The following RFX1 variants were observed in gnomAD, a reference collection of about 807,000 sequenced individuals.
The protein encoded by RFX1 is MHC class II regulatory factor RFX1.
RFX1 carries 42 observed loss-of-function variants against 119.6 expected under a neutral mutation model. The observed-to-expected ratio is 0.35, with a 90% confidence interval of 0.27 to 0.45. The LOEUF (loss-of-function observed/expected upper bound fraction) is 0.45, where lower values mean the gene tolerates loss of function less well. RFX1 is among the 20% of genes least tolerant of loss of function. The pLI, the probability that RFX1 is intolerant of heterozygous loss-of-function variation, is 1.00. For synonymous variants in RFX1, 628 were observed against 618.5 expected (o/e 1.02, Z -0.23); for missense variants, 1,118 against 1,368.1 (o/e 0.82, Z 2.88).
At chr19:13,996,719 T>C (rs1425968396) in intron 1 of RFX1, among the ~76,000 whole-genome samples, 7 of 125,102 alleles carry the variant, frequency 5.6e-5, no homozygotes, top group Non-Finnish European at 8.4e-5. Flanking sequence ...GCTCATTTGC[T>C]TTTTTTTTTT....
intron 5 of RFX1, among the ~76,000 whole-genome samples, chr19:13,981,374 T>C (rs1179225404): frequency 6.6e-6 from 1 of 152,176 alleles, no homozygotes; most frequent in African/African-American, 2.4e-5. Flanking sequence ...GGTGGGCAGA[T>C]CACCTGAGGT....
chr19:14,004,849 T>G (rs1399472113), intron 1 of RFX1, among the ~76,000 whole-genome samples: 5 of 151,774 alleles, frequency 3.3e-5, no homozygotes, highest in Non-Finnish European at 5.9e-5. Context: ...AAAAAAAAAA[T>G]TCCTCCCCGA....
At position 13,983,268 on chromosome 19, in the gene RFX1, C is replaced by T. The variant is rs1364778288; in HGVS notation, c.432G>A (p.Arg144=). 1 of 1,554,112 alleles carries T rather than the reference C, an allele frequency of 6.4e-7. No homozygotes were observed. Residue 144 remains arginine (R), a splice_region_variant and synonymous_variant, in exon 4 of 21, where the codon CGG becomes CGA. Transcript: ENST00000254325. The part of the protein sequence containing the change: ...VVQQVQGTQQ[R]LLVQTSVQAK... ...CCTGCACGCTCGTCTGGACCAGCAG[C>T]CGCTGTGGAGACAAGGCAGGAGGAG...
Position 13,962,414 on chromosome 19 carries a change from G to A in RFX1, c.*281C>T, listed in dbSNP as rs1973716771. 15 of 478,540 alleles carry A rather than the reference G, an allele frequency of 3.1e-5. No homozygotes were observed. The South Asian group carries it at 3.9e-4, about 12-fold the overall frequency. 29.6% of individuals were successfully genotyped at this position (478,540 alleles called of 1,614,324 possible). Reference sequence around the variant, plus strand: ...GGGGAGAAGACGCTGGGGCCTGGGAGGGGGGCGGCCAAGGGGCCGAGCTGG... The same window carrying A: ...GGGGAGAAGACGCTGGGGCCTGGGAAGGGGGCGGCCAAGGGGCCGAGCTGG... On this transcript the variant is annotated 3_prime_UTR_variant, in exon 21 of 21. Transcript: ENST00000254325.
At position 13,963,765 on chromosome 19, in the gene RFX1, G is replaced by C; in HGVS notation, c.2362-19C>G. Reference sequence around the variant, plus strand: ...CCTGCTCCTGGGGCACAGAGGGTGGGCGGGCGCCCGGGGCTCAGCCGCCGT... The same window carrying C: ...CCTGCTCCTGGGGCACAGAGGGTGGCCGGGCGCCCGGGGCTCAGCCGCCGT... On this transcript the variant is annotated intron_variant, in intron 17 of 20. Transcript: ENST00000254325. 1.3e-6 allele frequency: 2 copies of C among 1,535,282 alleles called. No homozygotes were observed. Among genetic ancestry groups the C allele is most frequent in the African/African-American group, 2.8e-5 (2 of 71,906 alleles).
In RFX1 at chr19:13,993,545, T is replaced by C. The variant is rs1568479918; in HGVS notation, c.299A>G (p.Tyr100Cys). Residue 100 changes from tyrosine to cysteine, a missense_variant, in exon 2 of 21, where the codon TAC (tyrosine) becomes TGC (cysteine). Physicochemically the swap from Tyr to Cys is radical, Grantham distance 194. Transcript: ENST00000254325. ...CTTACCAGAGACAGTGACCACGATG[T>C]ACTGCTGGGGTGCAGGCGAAGGGGT... ...APTPSPAPQQ[Y>C]IVVTVSEGAM... 6.2e-7 allele frequency: 1 copy of C among 1,612,688 alleles called. No individual in the cohort carries two copies. The highest frequency in any genetic ancestry group is 8.5e-7 in the Non-Finnish European group (1 of 1,179,506).
chr19:13,972,975 G>T lies in RFX1; in HGVS notation c.1082C>A (p.Ser361Tyr). 6.2e-7 allele frequency: 1 copy of T among 1,600,042 alleles called. No homozygotes were observed. The change falls in exon 9 of 21, where the codon TCC becomes TAC. Residue 361 changes from serine (S) to tyrosine (Y), a missense_variant. Physicochemically the swap from Ser to Tyr is moderately radical, Grantham distance 144 (BLOSUM62 -2). Around this residue, in one of 5 missense-constraint regions of RFX1, gnomAD observed 542 missense variants for 602.7 expected, o/e 0.90. Transcript: ENST00000254325. ...GGAGCTGGCGACGACCTGGCTGCCG[G>T]ACACGTACATGGGCATGGAGCCACT... ...ASSGSMPMYV[S>Y]GSQVVASSTS...
chr19:13,967,771 C>T lies in RFX1; in HGVS notation c.1732+794G>A, dbSNP rs555877747. Among the ~76,000 whole-genome samples, 117 of 152,264 alleles carry T rather than the reference C, an allele frequency of 7.7e-4. 1 individual carries two copies. The highest frequency in any genetic ancestry group is 2.7e-3 in the African/African-American group (114 of 41,564). On this transcript the variant is annotated intron_variant, in intron 12 of 20. Transcript: ENST00000254325. The stretch of plus-strand genomic sequence containing the variant: ...GGGATTACAGACATGAACCACTGCA[C>T]CAGGCCTTACTTTTAGAAACACTGG...
chr19:13,972,938 C>T lies in RFX1; in HGVS notation c.1119G>A (p.Gly373=), dbSNP rs749143303. The T allele has an allele frequency of 6.3e-7, 1 of 1,599,144 alleles. No individual in the cohort carries two copies. The highest frequency in any genetic ancestry group is 8.5e-7 in the Non-Finnish European group (1 of 1,179,284). ...CTCCGCTGCTGTTGCTGGCCCCAGC[C>T]CCAGTGCTGGTGGAGCTGGCGACGA... ...SQVVASSTST[G]AGASNSSGGG... Residue 373 remains glycine, a synonymous_variant, in exon 9 of 21, where the codon GGG becomes GGA. Coordinates refer to ENST00000254325, the MANE Select transcript of RFX1 (RefSeq NM_002918.5).
chr19:14,003,935 C>T (rs567213561), intron 1 of RFX1, among the ~76,000 whole-genome samples: 12 of 151,608 alleles, frequency 7.9e-5, no homozygotes, highest in African/African-American at 2.7e-4. Context: ...TGAGACAAGT[C>T]TCACTCTGTT....
intron 3 of RFX1, 54 bp downstream of exon 3, chr19:13,983,432 T>C: frequency 7.1e-7 from 1 of 1,410,878 alleles, no homozygotes. Context: ...GGACGCAGCC[T>C]GCACTGCCCC....
chr19:13,970,967 C>G (rs574517132), intron 9 of RFX1, among the ~76,000 whole-genome samples: 3 of 151,662 alleles, frequency 2.0e-5, no homozygotes, highest in Admixed American at 1.3e-4. Flanking sequence ...CACCACTGCA[C>G]TCCAACCTGT....
intron 7 of RFX1, among the ~76,000 whole-genome samples, chr19:13,978,558 C>T (rs888987348): frequency 1.3e-5 from 2 of 152,160 alleles, no homozygotes; most frequent in African/African-American, 4.8e-5. Flanking sequence ...CACCTCCATC[C>T]CCCACCCTTG....
At chr19:13,970,232 G>A (rs962419006) in intron 9 of RFX1, 57 bp from the exon 10 acceptor site, 5 of 1,471,900 alleles carry the variant, frequency 3.4e-6, no homozygotes, top group Non-Finnish European at 4.6e-6. Context: ...TCATCTCTGA[G>A]TGCTGGGGCT....
intron 8 of RFX1, among the ~76,000 whole-genome samples, chr19:13,977,287 C>T (rs1031410225): frequency 1.3e-5 from 2 of 149,948 alleles, no homozygotes; most frequent in African/African-American, 4.9e-5. Context: ...GAGCAAGACT[C>T]CATCTCAAAA....
Position 13,966,455 on chromosome 19 carries a change from G to A in RFX1, c.1927C>T (p.Leu643Phe), listed in dbSNP as rs144971619. 6.2e-7 allele frequency: 1 copy of A among 1,610,872 alleles called. No individual in the cohort carries two copies. The highest frequency in any genetic ancestry group is 8.5e-7 in the Non-Finnish European group (1 of 1,178,870). ...GGTGGCGCCTCACTGGGCTGGCTGA[G>A]GTTGTACCTCCAGAAGGTCTTCCAC... ...TLWKTFWRYN[L>F]SQPSEAPPLA... is the part of the protein sequence containing the mutation. The change falls in exon 14 of 21, where the codon CTC becomes TTC. Residue 643 changes from leucine to phenylalanine, a missense_variant. Transcript: ENST00000254325. This position sits in a 1 kb window ranked among gnomAD's most constrained non-coding sequence, Gnocchi z 6.3.
In RFX1 at chr19:13,968,777, C is replaced by T; in HGVS notation, c.1614G>A (p.Gln538=). The T allele has an allele frequency of 6.3e-7, 1 of 1,597,424 alleles. No homozygotes were observed. Among genetic ancestry groups the T allele is most frequent in the Non-Finnish European group, 8.5e-7 (1 of 1,172,280 alleles). ...TGGGTCCGGCCCTGCCTTCCTACCT[C>T]TGCTTCTGCGAGAAGGGCTGGCCCC... ...AMRGQPFSQK[Q]RLKPIQKMEG... The change falls in exon 11 of 21, where the codon CAG becomes CAA. Residue 538 remains glutamine, a splice_region_variant and synonymous_variant. Transcript: ENST00000254325. The surrounding 1 kb of genome is among the most constrained non-coding windows in gnomAD (Gnocchi z 5.5).
Position 13,969,748 on chromosome 19 carries a change from G to A in RFX1, c.1496+246C>T. ...GGGGGGTGTCGGGCAGGGGAGAGGG[G>A]GAGGCTGCAGTTTTAGTTGAGGCAG... is the stretch of plus-strand genomic sequence containing the variant. On this transcript the variant is annotated intron_variant, in intron 10 of 20. Coordinates refer to ENST00000254325, the MANE Select transcript of RFX1 (RefSeq NM_002918.5). This position sits in a 1 kb window ranked among gnomAD's most constrained non-coding sequence, Gnocchi z 4.5. 1 of 447,990 alleles carries A rather than the reference G, an allele frequency of 2.2e-6. No individual in the cohort carries two copies. Among genetic ancestry groups the A allele is most frequent in the Non-Finnish European group, 3.9e-6 (1 of 253,418 alleles). The allele number at this position is 447,990 out of a possible 1,614,324, so 27.8% of individuals were successfully genotyped here. A position where few individuals can be genotyped will look rare whatever the true frequency, so the allele number is the denominator to read the frequency against.
At chr19:13,994,907 T>C (rs1325158889) in intron 1 of RFX1, among the ~76,000 whole-genome samples, 2,360 of 82,034 alleles carry the variant, frequency 0.029, 75 homozygotes, top group African/African-American at 0.035. Flanking sequence ...TATATATATA[T>C]ATATATATAT....
Sources: gnomAD v4.1 joint callset for allele counts (sites outside exome capture counted in the v4.1 genomes callset) on GRCh38, gnomAD v4.1.1 for gene constraint, gnomAD v4.1.1 regional missense constraint, Gnocchi (gnomAD v3.1) non-coding constraint, MANE v1.5 for transcripts, NCBI Gene and HGNC (gene_info 2026-07-23, HGNC 2026-07-21) for gene names.